CLEC2L: variants seen among roughly 807,000 people sequenced by gnomAD.
CLEC2L encodes C-type lectin domain family 2, member L.
A neutral mutation model predicts 23.6 loss-of-function variants in CLEC2L; 14 were observed. The ratio of observed to expected loss-of-function variants is 0.59; its 90% CI spans 0.39 to 0.93. The LOEUF is 0.93. Ranked by LOEUF, CLEC2L falls within the 40% of genes least tolerant of loss-of-function variation. The pLI is 0.00. For missense variants in CLEC2L, 264 were observed against 282.4 expected (o/e 0.93, Z 0.47); for synonymous variants, 114 against 121.3 (o/e 0.94, Z 0.40).
chr7:139,526,267 A>G (rs959512976), intron 1 of CLEC2L, among the ~76,000 whole-genome samples: 6 of 152,266 alleles, frequency 3.9e-5, no homozygotes, highest in Non-Finnish European at 8.8e-5. Flanking sequence ...TCCCAGACCC[A>G]GAGCACGATG....
At chr7:139,541,814 C>A (rs1227650544) in intron 3 of CLEC2L, among the ~76,000 whole-genome samples, 1 of 152,220 alleles carries the variant, frequency 6.6e-6, no homozygotes, top group Non-Finnish European at 1.5e-5. Flanking sequence ...GGTCAGCCAG[C>A]AGCTTGGAGC....
chr7:139,543,704 G>A (rs1187614520), intron 4 of CLEC2L, among the ~76,000 whole-genome samples: 1 of 152,240 alleles, frequency 6.6e-6, no homozygotes, highest in East Asian at 1.9e-4. Context: ...TAACCTGTGA[G>A]GGGTAGCTGA....
intron 1 of CLEC2L, chr7:139,534,383 C>G (rs1271510317): frequency 1.1e-6 from 1 of 935,902 alleles, no homozygotes; most frequent in East Asian, 2.4e-5. Flanking sequence ...CCAACAGTCC[C>G]TCTATCAAAT....
At chr7:139,538,444 CA>C (rs1170543676) in intron 2 of CLEC2L, among the ~76,000 whole-genome samples, 5 of 135,508 alleles carry the variant, frequency 3.7e-5, no homozygotes, top group African/African-American at 1.5e-4. Flanking sequence ...AAAAAAAAAA[CA>C]AAAAACAAAA....
chr7:139,542,772 G>C (rs75111088), intron 4 of CLEC2L, among the ~76,000 whole-genome samples: 3,395 of 152,284 alleles, frequency 0.022, 142 homozygotes, highest in African/African-American at 0.077. Context: ...GCCAGGTCTG[G>C]TGTGTGGTGT....
Position 139,523,990 on chromosome 7 carries a change from C to T in CLEC2L, c.63C>T (p.Pro21=), listed in dbSNP as rs1011195353. ...ARPPPPLAAR[P]APAPAAPRPR... is the part of the protein sequence containing the mutation. Reference sequence around the variant, plus strand: ...CGCCGCCGCCCCTCGCCGCGCGCCCCGCGCCCGCCCCCGCCGCCCCCAGGC... The same window carrying T: ...CGCCGCCGCCCCTCGCCGCGCGCCCTGCGCCCGCCCCCGCCGCCCCCAGGC... Residue 21 remains proline, a synonymous_variant, in exon 1 of 5, where the codon CCC becomes CCT. Coordinates refer to ENST00000422142, the MANE Select transcript of CLEC2L (RefSeq NM_001080511.4). The surrounding 1 kb of genome is among the most constrained non-coding windows in gnomAD (Gnocchi z 4.1). The T allele has an allele frequency of 1.4e-5, 14 of 1,007,216 alleles. No individual in the cohort carries two copies. In the African/African-American group the frequency reaches 1.6e-4, roughly 11 times the overall value. The allele number at this position is 1,007,216 out of a possible 1,614,324, so 62.4% of individuals were successfully genotyped here.
In CLEC2L at chr7:139,544,276, C is replaced by G; in HGVS notation, c.579C>G (p.Thr193=). 6.2e-7 allele frequency: 1 copy of G among 1,613,624 alleles called. No individual in the cohort carries two copies. Among genetic ancestry groups the G allele is most frequent in the Non-Finnish European group, 8.5e-7 (1 of 1,179,746 alleles). ...GPGECVFVEP[T]RLVSTECLMT... is the part of the protein sequence containing the mutation. ...GGGAGTGTGTCTTCGTGGAGCCCAC[C>G]AGGCTGGTGTCGACGGAGTGTCTGA... The change falls in exon 5 of 5, where the codon ACC becomes ACG. Residue 193 remains threonine, a synonymous_variant. Coordinates refer to ENST00000422142, the MANE Select transcript of CLEC2L (RefSeq NM_001080511.4).
chr7:139,544,436 T>G lies in CLEC2L; in HGVS notation c.*94T>G. On this transcript the variant is annotated 3_prime_UTR_variant, in exon 5 of 5. Transcript: ENST00000422142. ...GCTTCCAGCGGAGCCGCCTGCCCTC[T>G]GCAAGGCGAAGCGGTGGGTGCGTGG... The G allele has an allele frequency of 2.2e-6, 2 of 905,018 alleles. No homozygotes were observed. The highest frequency in any genetic ancestry group is 3.0e-5 in the South Asian group (2 of 66,032). The allele number at this position is 905,018 out of a possible 1,614,324, so 56.1% of individuals were successfully genotyped here.
chr7:139,537,063 G>C (rs565529675), intron 2 of CLEC2L, among the ~76,000 whole-genome samples: 6 of 150,294 alleles, frequency 4.0e-5, no homozygotes, highest in African/African-American at 1.2e-4. Flanking sequence ...TAAGTGCTAA[G>C]GTTAAAAAAA....
At chr7:139,531,628 G>A (rs1797583473) in intron 1 of CLEC2L, among the ~76,000 whole-genome samples, 1 of 152,148 alleles carries the variant, frequency 6.6e-6, no homozygotes, top group Non-Finnish European at 1.5e-5. Flanking sequence ...AAATTTCCTG[G>A]CTGGGCATGG....
chr7:139,542,667 G>A (rs1036413569), intron 4 of CLEC2L, among the ~76,000 whole-genome samples: 3 of 152,240 alleles, frequency 2.0e-5, no homozygotes, highest in African/African-American at 4.8e-5. Flanking sequence ...TTTTACTGGC[G>A]AACGCATCTC....
At chr7:139,544,175 G>C (rs1358040048) in intron 4 of CLEC2L, 56 bp from the exon 5 acceptor site, 5 of 1,365,400 alleles carry the variant, frequency 3.7e-6, no homozygotes, top group Non-Finnish European at 5.1e-6. Context: ...CCTGCCACTG[G>C]GTTTTGGGCT....
chr7:139,528,156 A>C (rs1257017929), intron 1 of CLEC2L, among the ~76,000 whole-genome samples: 1 of 152,196 alleles, frequency 6.6e-6, no homozygotes, highest in Non-Finnish European at 1.5e-5. Flanking sequence ...TTGTGTCCCT[A>C]CCAAAAAAGA....
intron 1 of CLEC2L, among the ~76,000 whole-genome samples, chr7:139,528,714 G>A (rs566807663): frequency 6.6e-6 from 1 of 152,292 alleles, no homozygotes; most frequent in East Asian, 1.9e-4. Flanking sequence ...CACACAAAGA[G>A]AATACCATGT....
At chr7:139,529,066 A>C (rs527415063) in intron 1 of CLEC2L, among the ~76,000 whole-genome samples, 2 of 152,334 alleles carry the variant, frequency 1.3e-5, no homozygotes, top group East Asian at 3.9e-4. Flanking sequence ...CATGCAGGGC[A>C]ATGACCCAGC....
chr7:139,525,549 C>T (rs1321298730), intron 1 of CLEC2L, among the ~76,000 whole-genome samples: 1 of 152,116 alleles, frequency 6.6e-6, no homozygotes, highest in African/African-American at 2.4e-5. Context: ...GTCAGACACC[C>T]CCCCGTGACG....
intron 1 of CLEC2L, among the ~76,000 whole-genome samples, chr7:139,528,090 T>C (rs984664819): frequency 6.6e-6 from 1 of 152,194 alleles, no homozygotes; most frequent in Non-Finnish European, 1.5e-5. Context: ...CCATCTAATA[T>C]GGGCCATGGC....
intron 1 of CLEC2L, chr7:139,534,205 GGT>G: frequency 1.3e-6 from 1 of 787,874 alleles, no homozygotes; most frequent in Non-Finnish European, 2.3e-6. Context: ...TAGCAGCGGT[GGT>G]GTCGGCAGCG....
chr7:139,542,585 T>G (rs1488258408), intron 4 of CLEC2L, among the ~76,000 whole-genome samples: 1 of 152,222 alleles, frequency 6.6e-6, no homozygotes, highest in African/African-American at 2.4e-5. Flanking sequence ...GGCAGCCTCG[T>G]GCCACCTAAG....
Sources: gnomAD v4.1 joint callset for allele counts (sites outside exome capture counted in the v4.1 genomes callset) on GRCh38, gnomAD v4.1.1 for gene constraint, Gnocchi (gnomAD v3.1) non-coding constraint, MANE v1.5 for transcripts, NCBI Gene and HGNC (gene_info 2026-07-23, HGNC 2026-07-21) for gene names.